GALNTL6: variants seen among roughly 807,000 people sequenced by gnomAD.
GALNTL6 encodes the protein polypeptide N-acetylgalactosaminyltransferase like 6, also known as polypeptide N-acetylgalactosaminyltransferase-like 6.
In GALNTL6, 46 loss-of-function variants were observed where a neutral mutation model predicts 73.7. The ratio of observed to expected loss-of-function variants is 0.62; its 90% CI spans 0.49 to 0.80. The LOEUF is 0.80. GALNTL6 is among the 30% of genes least tolerant of loss of function. The pLI, the probability that GALNTL6 is intolerant of heterozygous loss-of-function variation, is 0.00. For synonymous variants in GALNTL6, 259 were observed against 263.7 expected, an observed-to-expected ratio of 0.98 and a Z score of 0.17; for missense variants, 604 against 755.0, an observed-to-expected ratio of 0.80 and a Z score of 2.34.
At chr4:172,269,441 T>G (rs1201444609) in intron 3 of GALNTL6, among the ~76,000 whole-genome samples, 1 of 152,164 alleles carries the variant, frequency 6.6e-6, no homozygotes, top group Non-Finnish European at 1.5e-5. Context: ...ATTCCAGCAG[T>G]GACCACGGCA....
intron 5 of GALNTL6, among the ~76,000 whole-genome samples, chr4:172,532,400 A>G (rs1301994759): frequency 6.6e-6 from 1 of 152,152 alleles, no homozygotes; most frequent in African/African-American, 2.4e-5. Flanking sequence ...AGATTTTCCT[A>G]AAGACTTCAA....
chr4:172,436,083 T>C (rs1731624706), intron 5 of GALNTL6, among the ~76,000 whole-genome samples: 1 of 152,160 alleles, frequency 6.6e-6, no homozygotes, highest in Non-Finnish European at 1.5e-5. Context: ...TAGTTTATCA[T>C]GTGTTTAGTT....
rs145770916 is a variant in GALNTL6 at position 172,993,022 on chromosome 4, A to G, written c.1372-16156A>G. Among the ~76,000 whole-genome samples the G allele has an allele frequency of 3.9e-5, 6 of 152,344 alleles. No homozygotes were observed. The East Asian group carries it at 1.2e-3, about 29-fold the overall frequency. ...ATGAGGTCAGATTTCTTTCACTGAC[A>G]TAATTTTCCTATGTCAGATTTGTCT... On this transcript the variant is annotated intron_variant, in intron 10 of 12. Coordinates refer to ENST00000506823, the MANE Select transcript of GALNTL6 (RefSeq NM_001034845.3).
At chr4:172,087,456 AAAC>A (rs1319953519) in intron 2 of GALNTL6, among the ~76,000 whole-genome samples, 8 of 145,142 alleles carry the variant, frequency 5.5e-5, no homozygotes, top group African/African-American at 2.2e-4. Context: ...AAAAAAAAAA[AAAC>A]AAAAAAAACA....
chr4:172,923,047 C>G (rs1159300447), intron 8 of GALNTL6, among the ~76,000 whole-genome samples: 1 of 152,178 alleles, frequency 6.6e-6, no homozygotes, highest in African/African-American at 2.4e-5. Context: ...GCAGGAAGGA[C>G]CGCTCCTTAA....
intron 2 of GALNTL6, among the ~76,000 whole-genome samples, chr4:172,017,185 T>C (rs916815124): frequency 1.4e-4 from 21 of 152,112 alleles, no homozygotes; most frequent in African/African-American, 4.3e-4. Context: ...CTCATTTAGA[T>C]GTGCTGAGGT....
intron 5 of GALNTL6, among the ~76,000 whole-genome samples, chr4:172,364,286 G>C (rs1395625812): frequency 6.6e-6 from 1 of 152,052 alleles, no homozygotes; most frequent in Admixed American, 6.6e-5. Flanking sequence ...AGTCCATTCT[G>C]GTGGCACACT....
At chr4:172,675,473 A>T (rs1296435470) in intron 5 of GALNTL6, among the ~76,000 whole-genome samples, 1 of 152,176 alleles carries the variant, frequency 6.6e-6, no homozygotes, top group African/African-American at 2.4e-5. Flanking sequence ...CTGTTGGGGA[A>T]TGTGTGCATG....
intron 2 of GALNTL6, among the ~76,000 whole-genome samples, chr4:172,163,428 G>C (rs576095458): frequency 1.3e-5 from 2 of 151,818 alleles, no homozygotes; most frequent in Non-Finnish European, 2.9e-5. Context: ...TCATCCTACT[G>C]TGTAGATAGT....
At chr4:172,308,003 C>CTTTTTTTTTTTTTTTTTTTTTT (rs70941399) in intron 3 of GALNTL6, among the ~76,000 whole-genome samples, 1 of 34,588 alleles carries the variant, frequency 2.9e-5, no homozygotes, top group Non-Finnish European at 5.0e-5. Flanking sequence ...TGTGTTTTAA[C>CTTTTTTTTTTTTTTTTTTTTTT]TTTTTTTTTT....
chr4:171,947,206 C>T (rs1738727392), intron 2 of GALNTL6, among the ~76,000 whole-genome samples: 1 of 151,934 alleles, frequency 6.6e-6, no homozygotes, highest in Non-Finnish European at 1.5e-5. Flanking sequence ...TGTCATTCAC[C>T]TCTTTTGCTT....
At chr4:172,276,726 A>G (rs376549383) in intron 3 of GALNTL6, among the ~76,000 whole-genome samples, 22 of 152,276 alleles carry the variant, frequency 1.4e-4, no homozygotes, top group African/African-American at 5.3e-4. Context: ...TGATTTTAAA[A>G]CAAAATTAAT....
chr4:172,833,957 A>C (rs1424919414), intron 7 of GALNTL6, among the ~76,000 whole-genome samples: 2 of 152,194 alleles, frequency 1.3e-5, no homozygotes, highest in Admixed American at 6.5e-5. Flanking sequence ...TCTACTAAAA[A>C]TACAACAAAA....
At chr4:172,570,603 G>A (rs573461788) in intron 5 of GALNTL6, among the ~76,000 whole-genome samples, 2 of 152,102 alleles carry the variant, frequency 1.3e-5, no homozygotes, top group Non-Finnish European at 2.9e-5. Context: ...CATTGTTTAA[G>A]CCAGTGGACC....
At chr4:172,182,365 G>T (rs948223671) in intron 2 of GALNTL6, among the ~76,000 whole-genome samples, 1 of 152,074 alleles carries the variant, frequency 6.6e-6, no homozygotes, top group African/African-American at 2.4e-5. Context: ...AAACTATGAG[G>T]TACAGAACAA....
intron 2 of GALNTL6, among the ~76,000 whole-genome samples, chr4:172,217,670 T>C (rs1317164676): frequency 6.6e-6 from 1 of 152,202 alleles, no homozygotes; most frequent in Non-Finnish European, 1.5e-5. Flanking sequence ...TTTCTAGCTA[T>C]GTCTACTTCC....
chr4:172,240,103 G>C (rs1361562711), intron 3 of GALNTL6, among the ~76,000 whole-genome samples: 3 of 152,122 alleles, frequency 2.0e-5, no homozygotes, highest in South Asian at 2.1e-4. Flanking sequence ...AAATTTTCCT[G>C]GATGACATCC....
chr4:172,060,056 G>C (rs1416845161), intron 2 of GALNTL6, among the ~76,000 whole-genome samples: 1 of 152,162 alleles, frequency 6.6e-6, no homozygotes, highest in African/African-American at 2.4e-5. Context: ...AAATGAGAAA[G>C]CTCAGTCACA....
chr4:172,271,677 T>C (rs1445518528), intron 3 of GALNTL6, among the ~76,000 whole-genome samples: 1 of 152,048 alleles, frequency 6.6e-6, no homozygotes, highest in Non-Finnish European at 1.5e-5. Flanking sequence ...GCATTAAATA[T>C]ACATTATGCA....
Sources: gnomAD v4.1 joint callset for allele counts (sites outside exome capture counted in the v4.1 genomes callset) on GRCh38, gnomAD v4.1.1 for gene constraint, MANE v1.5 for transcripts, NCBI Gene and HGNC (gene_info 2026-07-23, HGNC 2026-07-21) for gene names.